APOC2: variants seen among roughly 807,000 people sequenced by gnomAD.
APOC2 encodes apolipoprotein C2.
In APOC2, 6 loss-of-function variants were observed where a neutral mutation model predicts 10.2. The ratio of observed to expected loss-of-function variants is 0.59; its 90% confidence interval spans 0.32 to 1.16. The LOEUF (loss-of-function observed/expected upper bound fraction) is 1.16, where lower values mean the gene tolerates loss of function less well. Ranked by LOEUF, APOC2 falls within the 50% of genes most tolerant of loss-of-function variation. The probability of loss-of-function intolerance (pLI) is 0.05; values close to 1 mark genes in which losing one functional copy is unlikely to be tolerated. For synonymous variants in APOC2, 56 were observed against 48.5 expected, an observed-to-expected ratio of 1.15 and a Z score of -0.64; for missense variants, 110 against 117.6, an observed-to-expected ratio of 0.94 and a Z score of 0.30.
intron 1 of APOC2, chr19:44,947,176 C>A: frequency 6.6e-6 from 1 of 151,794 alleles, no homozygotes; most frequent in African/African-American, 2.4e-5. Context: ...AATTGTAGAC[C>A]ATTTGCTTGT....
chr19:44,947,858 A>G (rs1174384602), intron 1 of APOC2, among the ~76,000 whole-genome samples: 2 of 152,104 alleles, frequency 1.3e-5, no homozygotes, highest in Non-Finnish European at 2.9e-5. Context: ...TCACGAGGTC[A>G]GAAGTTCGAG....
intron 1 of APOC2, among the ~76,000 whole-genome samples, chr19:44,946,844 A>T (rs987370647): frequency 6.6e-6 from 1 of 152,090 alleles, no homozygotes; most frequent in Non-Finnish European, 1.5e-5. Flanking sequence ...GAATGAAAAA[A>T]TTTAAAAAAC....
At position 44,949,294 on chromosome 19, in the gene APOC2, C is replaced by T. The variant is rs748283419; in HGVS notation, c.*45C>T. ...TGGACAAGGGGAGAGTCCCCTACTC[C>T]CCTGATCCCCCAGGTTCAGACTGAG... On this transcript the variant is annotated 3_prime_UTR_variant, in exon 4 of 4. Coordinates refer to ENST00000252490, the MANE Select transcript of APOC2 (RefSeq NM_000483.5). The T allele has an allele frequency of 6.6e-7, 1 of 1,513,032 alleles. No individual in the cohort carries two copies. The highest frequency in any genetic ancestry group is 1.1e-5 in the South Asian group (1 of 86,984). The allele number at this position is 1,513,032 out of a possible 1,614,324, so 93.7% of individuals were successfully genotyped here.
chr19:44,949,473 T>A lies in APOC2; in HGVS notation c.*224T>A. The A allele has an allele frequency of 5.1e-6, 3 of 586,602 alleles. No individual in the cohort carries two copies. The highest frequency in any genetic ancestry group is 1.9e-5 in the South Asian group (1 of 51,302). 36.3% of individuals were successfully genotyped at this position (586,602 alleles called of 1,614,324 possible). A position where few individuals can be genotyped will look rare whatever the true frequency, so the allele number is the denominator to read the frequency against. ...AGGGGCTGACTCAGTCCAGCCAACA[T>A]TTAATGAGCACCTACTTTATGTATG... On this transcript the variant is annotated 3_prime_UTR_variant, in exon 4 of 4. Transcript: ENST00000252490.
intron 1 of APOC2, among the ~76,000 whole-genome samples, 153 bp downstream of exon 1, chr19:44,946,228 TGTGTGTGA>T (rs1206181698): frequency 2.7e-4 from 35 of 130,800 alleles, no homozygotes; most frequent in Admixed American, 2.3e-3. Context: ...TGTGTGTGTG[TGTGTGTGA>T]GAGAGAGAGA....
chr19:44,946,234 T>TGTGTGTGTGTGTGTGAGAGAGA (rs1236986911), intron 1 of APOC2, among the ~76,000 whole-genome samples, 159 bp downstream of exon 1: 8 of 132,834 alleles, frequency 6.0e-5, no homozygotes, highest in African/African-American at 2.4e-4. Flanking sequence ...TGTGTGTGTG[T>TGTGTGTGTGTGTGTGAGAGAGA]GAGAGAGAGA....
rs553278142 is a variant in APOC2, at chr19:44,949,550, A to T, written c.*301A>T. 9.6e-5 allele frequency: 38 copies of T among 396,502 alleles called. No individual in the cohort carries two copies. Among genetic ancestry groups the T allele is most frequent in the African/African-American group, 7.1e-4 (35 of 49,428 alleles). 24.6% of individuals were successfully genotyped at this position (396,502 alleles called of 1,614,324 possible). ...ATAAAGCAGTGAATAGTAACAATAA[A>T]TAATCGTAACAGCAATTAGAGACTA... On this transcript the variant is annotated 3_prime_UTR_variant, in exon 4 of 4. Coordinates refer to ENST00000252490, the MANE Select transcript of APOC2 (RefSeq NM_000483.5).
Position 44,949,518 on chromosome 19 carries a change from C to T in APOC2, c.*269C>T. 1.9e-6 allele frequency: 1 copy of T among 516,412 alleles called. No individual in the cohort carries two copies. Among genetic ancestry groups the T allele is most frequent in the Non-Finnish European group, 3.5e-6 (1 of 284,550 alleles). 32.0% of individuals were successfully genotyped at this position (516,412 alleles called of 1,614,324 possible). A position where few individuals can be genotyped will look rare whatever the true frequency, so the allele number is the denominator to read the frequency against. ...TGTATGGAGCTCTAACCCATGGGTCCATGGGAATAAAGCAGTGAATAGTAA... is the reference window on the plus strand; with the variant it reads ...TGTATGGAGCTCTAACCCATGGGTCTATGGGAATAAAGCAGTGAATAGTAA... On this transcript the variant is annotated 3_prime_UTR_variant, in exon 4 of 4. Coordinates refer to ENST00000252490, the MANE Select transcript of APOC2 (RefSeq NM_000483.5).
chr19:44,949,343 C>T lies in APOC2; in HGVS notation c.*94C>T. On this transcript the variant is annotated 3_prime_UTR_variant, in exon 4 of 4. Transcript: ENST00000252490. Reference sequence around the variant, plus strand: ...AGCTCCCCCTTCCCAGTAGCTCTTGCATCCTCCTCCCAACTCTAGCCTGAA... The same window carrying T: ...AGCTCCCCCTTCCCAGTAGCTCTTGTATCCTCCTCCCAACTCTAGCCTGAA... 1 of 886,612 alleles carries T rather than the reference C, an allele frequency of 1.1e-6. No homozygotes were observed. Among genetic ancestry groups the T allele is most frequent in the South Asian group, 1.4e-5 (1 of 71,692 alleles). 54.9% of individuals were successfully genotyped at this position (886,612 alleles called of 1,614,324 possible).
In APOC2 at chr19:44,948,861, G is replaced by T; in HGVS notation, c.215+1G>T. Reference sequence around the variant, plus strand: ...TGCCCGCTGTAGATGAGAAACTCAGGTAGCACCTGCCCCTGGAGAAATGGG... The same window carrying T: ...TGCCCGCTGTAGATGAGAAACTCAGTTAGCACCTGCCCCTGGAGAAATGGG... On this transcript the variant is annotated splice_donor_variant, in intron 3 of 3. Coordinates refer to ENST00000252490, the MANE Select transcript of APOC2 (RefSeq NM_000483.5). LOFTEE classifies it high-confidence loss of function. 6.2e-7 allele frequency: 1 copy of T among 1,611,794 alleles called. No homozygotes were observed. The highest frequency in any genetic ancestry group is 2.2e-5 in the East Asian group (1 of 44,886).
chr19:44,948,271 CA>C, intron 1 of APOC2, 194 bp from the exon 2 acceptor site: 1 of 594,908 alleles, frequency 1.7e-6, no homozygotes, highest in Non-Finnish European at 3.0e-6. Flanking sequence ...ATGTTAAAAT[CA>C]GGAGTAGAAT....
chr19:44,949,119 C>G (rs766981254), intron 3 of APOC2, 40 bp from the exon 4 acceptor site: 2 of 1,579,076 alleles, frequency 1.3e-6, no homozygotes, highest in Non-Finnish European at 1.7e-6. Context: ...TCCAGGCCCC[C>G]AGCCCCTCCT....
At chr19:44,946,988 C>G (rs1268956617) in intron 1 of APOC2, among the ~76,000 whole-genome samples, 2 of 152,016 alleles carry the variant, frequency 1.3e-5, no homozygotes, top group African/African-American at 4.8e-5. Flanking sequence ...CCCGTCTCTA[C>G]TAAAAATACA....
At chr19:44,946,847 TA>T (rs1270072564) in intron 1 of APOC2, among the ~76,000 whole-genome samples, 4 of 151,642 alleles carry the variant, frequency 2.6e-5, no homozygotes, top group Non-Finnish European at 5.9e-5. Flanking sequence ...TGAAAAAATT[TA>T]AAAAACTAAA....
Position 44,949,421 on chromosome 19 carries a change from T to C in APOC2, c.*172T>C. 3 of 645,460 alleles carry C rather than the reference T, an allele frequency of 4.6e-6. No homozygotes were observed. In the Admixed American group the frequency reaches 6.9e-5, roughly 15 times the overall value. The allele number at this position is 645,460 out of a possible 1,614,324, so 40.0% of individuals were successfully genotyped here. On this transcript the variant is annotated 3_prime_UTR_variant, in exon 4 of 4. Coordinates refer to ENST00000252490, the MANE Select transcript of APOC2 (RefSeq NM_000483.5). ...GTTGCTTCTCATGGATGGCACTGCT[T>C]TTCTGAGGACTCAAGGGCCAAGATG...
rs552030000 is a variant in APOC2, at chr19:44,947,661, T to C, written c.-13-805T>C. 4.0e-5 allele frequency among the ~76,000 whole-genome samples: 6 copies of C among 148,858 alleles called. No homozygotes were observed. In the East Asian group the frequency reaches 1.2e-3, roughly 29 times the overall value. On this transcript the variant is annotated intron_variant, in intron 1 of 3. Transcript: ENST00000252490. Reference sequence around the variant, plus strand: ...AAGAATAAAAATTAGCAGCTGGGCATGGTGGCTCATGCCTGTAATTCCAGC... The same window carrying C: ...AAGAATAAAAATTAGCAGCTGGGCACGGTGGCTCATGCCTGTAATTCCAGC...
intron 1 of APOC2, chr19:44,947,083 C>G (rs990523603): frequency 6.6e-6 from 1 of 151,712 alleles, no homozygotes; most frequent in Admixed American, 6.6e-5. Flanking sequence ...ACCCGGAAGA[C>G]AGAGGTTGCG....
intron 1 of APOC2, chr19:44,947,153 G>GAA (rs113329239): frequency 0.51 from 76,073 of 148,726 alleles, 19,629 homozygotes; most frequent in South Asian, 0.58. Context: ...CCTTGTCTTG[G>GAA]AAAAAAAAAA....
At chr19:44,948,444 T>A in intron 1 of APOC2, 22 bp from the exon 2 acceptor site, 1 of 1,608,720 alleles carries the variant, frequency 6.2e-7, no homozygotes, top group Non-Finnish European at 8.5e-7. Context: ...GCCTGCCACA[T>A]GACACCCCCT....
Sources: allele counts gnomAD v4.1 joint callset (sites outside exome capture counted in the v4.1 genomes callset), GRCh38; gene constraint gnomAD v4.1.1; transcripts MANE v1.5; gene names NCBI Gene and HGNC (gene_info 2026-07-23, HGNC 2026-07-21).